The following SGK1 variants were observed in gnomAD, a reference collection of about 807,000 sequenced individuals.
SGK1 encodes serum/glucocorticoid regulated kinase 1.
Under a neutral mutation model 64.2 loss-of-function variants are expected in SGK1, and 26 were observed. The ratio of observed to expected loss-of-function variants is 0.40; its 90% CI spans 0.30 to 0.56. SGK1 has a LOEUF of 0.56. Among genes scored for constraint, SGK1 ranks in the 20% least tolerant of loss-of-function variants. The probability of loss-of-function intolerance (pLI) is 0.38; values close to 1 mark genes in which losing one functional copy is unlikely to be tolerated. For missense variants in SGK1, 519 were observed against 645.6 expected, an observed-to-expected ratio of 0.80 and a Z score of 2.12; for synonymous variants, 265 against 239.7, an observed-to-expected ratio of 1.11 and a Z score of -0.98.
chr6:134,178,407 G>T (rs982242580), intron 3 of SGK1, among the ~76,000 whole-genome samples: 1 of 152,212 alleles, frequency 6.6e-6, no homozygotes, highest in Non-Finnish European at 1.5e-5. Context: ...ACACGGCGGA[G>T]GGGTGCTTGA....
chr6:134,225,876 C>A (rs940960382), intron 2 of SGK1, among the ~76,000 whole-genome samples: 1 of 151,362 alleles, frequency 6.6e-6, no homozygotes. Context: ...AGTTTGAGAC[C>A]AGGCTGGGCA....
At chr6:134,276,627 G>A (rs900105550) in intron 1 of SGK1, among the ~76,000 whole-genome samples, 2 of 152,138 alleles carry the variant, frequency 1.3e-5, no homozygotes, top group African/African-American at 4.8e-5. Context: ...TTGGGCCCAG[G>A]GGAAAAGCAT....
Position 134,262,084 on chromosome 6 carries a change from T to C in SGK1, c.134A>G (p.Tyr45Cys), listed in dbSNP as rs762961084. The change falls in exon 2 of 14, where the codon TAC becomes TGC. Residue 45 changes from tyrosine (Y) to cysteine (C), a missense_variant. Transcript: ENST00000367858. ...GATGTGCACCATGGAGGAGCCGGTG[T>C]ACTTCAGGCTGGGACTCTGATGCTT... is the stretch of plus-strand genomic sequence containing the variant. Reference protein sequence around the residue: ...VDKHQSPSLKYTGSSMVHIPP... With the variant: ...VDKHQSPSLKCTGSSMVHIPP... 4 of 1,613,108 alleles carry C rather than the reference T, an allele frequency of 2.5e-6. No homozygotes were observed. The African/African-American group carries it at 4.0e-5, about 16-fold the overall frequency.
chr6:134,259,774 G>A (rs1250908577), intron 2 of SGK1: 2 of 152,262 alleles, frequency 1.3e-5, no homozygotes, highest in African/African-American at 4.8e-5. Flanking sequence ...CTTGCATCAG[G>A]AGCGATAAAT....
intron 3 of SGK1, among the ~76,000 whole-genome samples, chr6:134,205,171 T>C (rs189189878): frequency 6.6e-6 from 1 of 152,302 alleles, no homozygotes; most frequent in African/African-American, 2.4e-5. Context: ...TCAAGAATCA[T>C]TTATGTTCCT....
intron 3 of SGK1, among the ~76,000 whole-genome samples, chr6:134,181,118 T>C (rs545717832): frequency 1.3e-5 from 2 of 152,264 alleles, no homozygotes; most frequent in South Asian, 4.1e-4. Context: ...CCCCCACAAG[T>C]CCAGCAGCCA....
At chr6:134,297,059 C>A in intron 1 of SGK1, 1 of 464,876 alleles carries the variant, frequency 2.2e-6, no homozygotes, top group Non-Finnish European at 4.1e-6. Flanking sequence ...CGATCTTCTT[C>A]ACAACCACAG....
chr6:134,298,745 A>C (rs1248793318), intron 1 of SGK1: 3 of 513,678 alleles, frequency 5.8e-6, no homozygotes, highest in Non-Finnish European at 1.0e-5. Flanking sequence ...CAGAGATTCC[A>C]GAAGGAGTGA....
chr6:134,313,253 C>T (rs1028935759), intron 1 of SGK1, among the ~76,000 whole-genome samples: 2 of 152,108 alleles, frequency 1.3e-5, no homozygotes, highest in Non-Finnish European at 2.9e-5. Context: ...GTGGGTGGCT[C>T]ACACCTGAAA....
chr6:134,171,191 G>C lies in SGK1; in HGVS notation c.1168-13C>G, dbSNP rs776533497. ...TATAAAAAGGCGGCTGAAAGAAGGGGAAAATTACTTTAGACTTAATTGGAA... is the reference window on the plus strand; with the variant it reads ...TATAAAAAGGCGGCTGAAAGAAGGGCAAAATTACTTTAGACTTAATTGGAA... On this transcript the variant is annotated splice_polypyrimidine_tract_variant and intron_variant, in intron 11 of 13. Transcript: ENST00000367858. 3.1e-6 allele frequency: 5 copies of C among 1,613,276 alleles called. No individual in the cohort carries two copies. In the Admixed American group the frequency reaches 6.7e-5, roughly 22 times the overall value.
chr6:134,198,500 TCTTTA>T (rs1328267546), intron 3 of SGK1, among the ~76,000 whole-genome samples: 5 of 152,158 alleles, frequency 3.3e-5, no homozygotes, highest in Non-Finnish European at 7.3e-5. Flanking sequence ...GAAATTGTTT[TCTTTA>T]CTTTAAAAAA....
chr6:134,187,290 T>C (rs1463873673), intron 3 of SGK1, among the ~76,000 whole-genome samples: 1 of 152,146 alleles, frequency 6.6e-6, no homozygotes, highest in Admixed American at 6.5e-5. Flanking sequence ...GAATCATTGT[T>C]GTGTCTCCGG....
At chr6:134,259,792 C>T (rs901732034) in intron 2 of SGK1, 4 of 152,188 alleles carry the variant, frequency 2.6e-5, no homozygotes, top group Non-Finnish European at 5.9e-5. Context: ...AATAGATGCT[C>T]TTGCATTTAG....
intron 1 of SGK1, among the ~76,000 whole-genome samples, chr6:134,266,131 C>T (rs555224368): frequency 7.9e-5 from 12 of 151,904 alleles, no homozygotes; most frequent in South Asian, 4.2e-4. Flanking sequence ...TTACAGGCAC[C>T]GTGCCCCCAC....
chr6:134,188,730 G>A (rs77708660), intron 3 of SGK1, among the ~76,000 whole-genome samples: 2,930 of 151,582 alleles, frequency 0.019, 35 homozygotes, highest in Non-Finnish European at 0.027. Context: ...GAGCCACCAC[G>A]CCTGGCCAAC....
intron 3 of SGK1, among the ~76,000 whole-genome samples, chr6:134,177,294 G>C (rs1775259984): frequency 6.6e-6 from 1 of 152,096 alleles, no homozygotes; most frequent in African/African-American, 2.4e-5. Context: ...CCAACCTAAA[G>C]CAATGTTTAG....
intron 2 of SGK1, among the ~76,000 whole-genome samples, chr6:134,232,473 A>AAAAG (rs1776303557): frequency 1.0e-5 from 1 of 96,106 alleles, no homozygotes; most frequent in African/African-American, 5.2e-5. Flanking sequence ...GAAAGAAAGA[A>AAAAG]AGAAAGAAAG....
At chr6:134,176,824 T>G (rs1775245855) in intron 3 of SGK1, among the ~76,000 whole-genome samples, 2 of 152,140 alleles carry the variant, frequency 1.3e-5, no homozygotes, top group Admixed American at 1.3e-4. Context: ...ACTCCTTGGT[T>G]TGCTTTGTTG....
At chr6:134,224,750 C>T (rs562973788) in intron 2 of SGK1, among the ~76,000 whole-genome samples, 162 of 152,102 alleles carry the variant, frequency 1.1e-3, no homozygotes, top group African/African-American at 3.6e-3. Context: ...TGGCCAGGCG[C>T]AGTGTCTCAC....
Sources: gnomAD v4.1 joint callset for allele counts (sites outside exome capture counted in the v4.1 genomes callset) on GRCh38, gnomAD v4.1.1 for gene constraint, MANE v1.5 for transcripts, NCBI Gene and HGNC (gene_info 2026-07-23, HGNC 2026-07-21) for gene names.